Variants in OR4K2 observed in about 807,000 individuals in gnomAD.
The protein encoded by OR4K2 is olfactory receptor family 4 subfamily K member 2, also known as olfactory receptor 4K2.
In OR4K2, 8 loss-of-function variants were observed where a neutral mutation model predicts 10.5. The ratio of observed to expected loss-of-function variants is 0.76; its 90% CI spans 0.45 to 1.37. The LOEUF is 1.37. OR4K2 is among the 40% of genes most tolerant of loss of function. The pLI, the probability that OR4K2 is intolerant of heterozygous loss-of-function variation, is 0.00. For missense variants in OR4K2, 547 were observed against 379.5 expected (o/e 1.44, Z -3.67); for synonymous variants, 178 against 133.6 (o/e 1.33, Z -2.29).
chr14:19,876,531 TCAC>T lies in OR4K2; in HGVS notation c.265_267del (p.His89del). 1 of 1,614,190 alleles carries T rather than the reference TCAC, an allele frequency of 6.2e-7. No individual in the cohort carries two copies. Among genetic ancestry groups the T allele is most frequent in the Non-Finnish European group, 8.5e-7 (1 of 1,180,002 alleles). ...AGATGATTACAGATTACCTAACAGG[TCAC>T]AAAACCATCTCTTTTGATGGCTGCC... On this transcript the variant is annotated inframe_deletion, in exon 2 of 2. Transcript: ENST00000641885.
In OR4K2 at chr14:19,876,277, G is replaced by A; in HGVS notation, c.10G>A (p.Gly4Ser). Residue 4 changes from glycine to serine, a missense_variant, in exon 2 of 2, where the codon GGC becomes AGC. Transcript: ENST00000641885. ...CCTATGAATCAAGACAATGGATGTG[G>A]GCAATAAGTCTACCATGTCTGAATT... MDV[G>S]NKSTMSEFVL... 6.3e-7 allele frequency: 1 copy of A among 1,592,118 alleles called. No homozygotes were observed. The highest frequency in any genetic ancestry group is 8.6e-7 in the Non-Finnish European group (1 of 1,163,688).
In OR4K2 at chr14:19,880,071, G is replaced by C. The variant is rs1881000677; in HGVS notation, c.*2859G>C. On this transcript the variant is annotated 3_prime_UTR_variant, in exon 2 of 2. Coordinates refer to ENST00000641885, the MANE Select transcript of OR4K2 (RefSeq NM_001005501.2). Reference sequence around the variant, plus strand: ...TATAAGATTTTCTTGTGATTTTTTTGTAAAGCTCATCAGCTATCTTTAGTA... The same window carrying C: ...TATAAGATTTTCTTGTGATTTTTTTCTAAAGCTCATCAGCTATCTTTAGTA... The C allele has an allele frequency of 6.6e-6, 1 of 152,662 alleles. No homozygotes were observed. Among genetic ancestry groups the C allele is most frequent in the Non-Finnish European group, 1.5e-5 (1 of 68,030 alleles). The allele number at this position is 152,662 out of a possible 1,614,324, so 9.5% of individuals were successfully genotyped here.
Position 19,877,343 on chromosome 14 carries a change from T to C in OR4K2, c.*131T>C. On this transcript the variant is annotated 3_prime_UTR_variant, in exon 2 of 2. Coordinates refer to ENST00000641885, the MANE Select transcript of OR4K2 (RefSeq NM_001005501.2). ...TGCATTTTGAAACTATTCTCATGAATGTGAATGTGTTCAAAATACATTTGA... is the reference window on the plus strand; with the variant it reads ...TGCATTTTGAAACTATTCTCATGAACGTGAATGTGTTCAAAATACATTTGA... 1 of 658,822 alleles carries C rather than the reference T, an allele frequency of 1.5e-6. No homozygotes were observed. The highest frequency in any genetic ancestry group is 2.5e-6 in the Non-Finnish European group (1 of 397,574). 40.8% of individuals were successfully genotyped at this position (658,822 alleles called of 1,614,324 possible). A position where few individuals can be genotyped will look rare whatever the true frequency, so the allele number is the denominator to read the frequency against.
rs958172857 is a variant in OR4K2, at chr14:19,878,833, A to T, written c.*1621A>T. On this transcript the variant is annotated 3_prime_UTR_variant, in exon 2 of 2. Transcript: ENST00000641885. ...TGTGAACTTTCTCTTGGTTGCAGTT[A>T]TATGTACAAATATGTTCATATTCAA... is the stretch of plus-strand genomic sequence containing the variant. 1 of 152,242 alleles carries T rather than the reference A, an allele frequency of 6.6e-6. No individual in the cohort carries two copies. Among genetic ancestry groups the T allele is most frequent in the Admixed American group, 6.5e-5 (1 of 15,284 alleles). 9.4% of individuals were successfully genotyped at this position (152,242 alleles called of 1,614,324 possible).
At position 19,878,884 on chromosome 14, in the gene OR4K2, A is replaced by C. The variant is rs1370457348; in HGVS notation, c.*1672A>C. ...GGACTTCGTTTATGTAGAATGTTTTAGCTGGTGCTTAAAAATGCTAGAAAT... is the reference window on the plus strand; with the variant it reads ...GGACTTCGTTTATGTAGAATGTTTTCGCTGGTGCTTAAAAATGCTAGAAAT... On this transcript the variant is annotated 3_prime_UTR_variant, in exon 2 of 2. Coordinates refer to ENST00000641885, the MANE Select transcript of OR4K2 (RefSeq NM_001005501.2). 7.2e-5 allele frequency: 11 copies of C among 152,256 alleles called. No homozygotes were observed. Among genetic ancestry groups the C allele is most frequent in the African/African-American group, 2.7e-4 (11 of 41,474 alleles). 9.4% of individuals were successfully genotyped at this position (152,256 alleles called of 1,614,324 possible). A position where few individuals can be genotyped will look rare whatever the true frequency, so the allele number is the denominator to read the frequency against.
rs1439919315 is a variant in OR4K2 at position 19,876,616 on chromosome 14, G to C, written c.349G>C (p.Ala117Pro). ...FTGTEIILLM[A>P]MSFDRYIAIC... ...TGGAACTGAGATCATCTTACTCATG[G>C]CCATGTCCTTTGATAGGTATATTGC... Residue 117 changes from alanine to proline, a missense_variant, in exon 2 of 2, where the codon GCC becomes CCC. Ala to Pro is a conservative substitution (Grantham distance 27, BLOSUM62 -1). Coordinates refer to ENST00000641885, the MANE Select transcript of OR4K2 (RefSeq NM_001005501.2). 3.7e-6 allele frequency: 6 copies of C among 1,614,004 alleles called. No individual in the cohort carries two copies. Among genetic ancestry groups the C allele is most frequent in the Non-Finnish European group, 5.1e-6 (6 of 1,180,008 alleles).
rs1234625542 is a variant in OR4K2, at chr14:19,881,874, T to A, written c.*4662T>A. The A allele has an allele frequency of 6.6e-6, 1 of 151,916 alleles. No individual in the cohort carries two copies. The highest frequency in any genetic ancestry group is 1.5e-5 in the Non-Finnish European group (1 of 67,990). 9.4% of individuals were successfully genotyped at this position (151,916 alleles called of 1,614,324 possible). On this transcript the variant is annotated 3_prime_UTR_variant, in exon 2 of 2. Coordinates refer to ENST00000641885, the MANE Select transcript of OR4K2 (RefSeq NM_001005501.2). Reference sequence around the variant, plus strand: ...CAATTTAATTAGTAATTTGTTTTTATATAATAATATATTTATATCAATTTT... The same window carrying A: ...CAATTTAATTAGTAATTTGTTTTTAAATAATAATATATTTATATCAATTTT...
rs1881027475 is a variant in OR4K2, at chr14:19,881,174, T to A, written c.*3962T>A. On this transcript the variant is annotated 3_prime_UTR_variant, in exon 2 of 2. Transcript: ENST00000641885. ...ATTTTGCATGATTTTTGGATGTATA[T>A]GTCAATTGAAAAACGGGGAGAAGAA... 1 of 152,258 alleles carries A rather than the reference T, an allele frequency of 6.6e-6. No individual in the cohort carries two copies. The allele number at this position is 152,258 out of a possible 1,614,324, so 9.4% of individuals were successfully genotyped here.
chr14:19,876,891 G>C lies in OR4K2; in HGVS notation c.624G>C (p.Leu208Phe). 6.2e-7 allele frequency: 1 copy of C among 1,614,158 alleles called. No individual in the cohort carries two copies. The highest frequency in any genetic ancestry group is 8.5e-7 in the Non-Finnish European group (1 of 1,180,002). The change falls in exon 2 of 2, where the codon TTG becomes TTC. Residue 208 changes from leucine (L) to phenylalanine (F), a missense_variant. Physicochemically the swap from Leu to Phe is conservative, Grantham distance 22 (BLOSUM62 0). Transcript: ENST00000641885. ...FMISTSGIIA[L>F]SCFIVLFNSY... ...TCTCAACAAGTGGCATAATTGCGTT[G>C]TCCTGTTTTATTGTTTTATTTAATT...
rs1410288995 is a variant in OR4K2 at position 19,883,686 on chromosome 14, T to A, written c.*6474T>A. 1 of 152,238 alleles carries A rather than the reference T, an allele frequency of 6.6e-6. No homozygotes were observed. Among genetic ancestry groups the A allele is most frequent in the Non-Finnish European group, 1.5e-5 (1 of 68,030 alleles). 9.4% of individuals were successfully genotyped at this position (152,238 alleles called of 1,614,324 possible). ...ATTGCACTCAAGAGATTTTAAAACGTTTAAATTTCTAAATTTCCTTTAAGT... is the reference window on the plus strand; with the variant it reads ...ATTGCACTCAAGAGATTTTAAAACGATTAAATTTCTAAATTTCCTTTAAGT... On this transcript the variant is annotated 3_prime_UTR_variant, in exon 2 of 2. Transcript: ENST00000641885.
Position 19,882,312 on chromosome 14 carries a change from A to G in OR4K2, c.*5100A>G, listed in dbSNP as rs1363903294. On this transcript the variant is annotated 3_prime_UTR_variant, in exon 2 of 2. Coordinates refer to ENST00000641885, the MANE Select transcript of OR4K2 (RefSeq NM_001005501.2). ...TTGGTGCATCTAATTGGTGGAATCTATTTTGCACAGAGAAACTTGGCTTCA... is the reference window on the plus strand; with the variant it reads ...TTGGTGCATCTAATTGGTGGAATCTGTTTTGCACAGAGAAACTTGGCTTCA... 1.3e-5 allele frequency: 2 copies of G among 152,184 alleles called. No individual in the cohort carries two copies. The highest frequency in any genetic ancestry group is 4.8e-5 in the African/African-American group (2 of 41,384). 9.4% of individuals were successfully genotyped at this position (152,184 alleles called of 1,614,324 possible).
In OR4K2 at chr14:19,881,769, T is replaced by C. The variant is rs1011784858; in HGVS notation, c.*4557T>C. ...TGAAGCCATCAACAAAAGCCAGATT[T>C]TTCTCCCTTTGCTCACTTGCCACCT... On this transcript the variant is annotated 3_prime_UTR_variant, in exon 2 of 2. Coordinates refer to ENST00000641885, the MANE Select transcript of OR4K2 (RefSeq NM_001005501.2). 6.6e-6 allele frequency: 1 copy of C among 152,048 alleles called. No homozygotes were observed. The highest frequency in any genetic ancestry group is 2.4e-5 in the African/African-American group (1 of 41,420). 9.4% of individuals were successfully genotyped at this position (152,048 alleles called of 1,614,324 possible).
rs372735478 is a variant in OR4K2, at chr14:19,877,031, T to C, written c.764T>C (p.Ile255Thr). 6.2e-7 allele frequency: 1 copy of C among 1,613,592 alleles called. No individual in the cohort carries two copies. The highest frequency in any genetic ancestry group is 1.1e-5 in the South Asian group (1 of 91,088). ...IVVFLFFGPC[I>T]FIYMWPLSSF... is the part of the protein sequence containing the mutation. Reference sequence around the variant, plus strand: ...GTCTTCTTGTTCTTTGGGCCATGCATCTTCATCTACATGTGGCCACTAAGC... The same window carrying C: ...GTCTTCTTGTTCTTTGGGCCATGCACCTTCATCTACATGTGGCCACTAAGC... Residue 255 changes from isoleucine to threonine, a missense_variant, in exon 2 of 2, where the codon ATC (isoleucine) becomes ACC (threonine). By Grantham distance (89) the Ile-to-Thr change is moderately conservative. Coordinates refer to ENST00000641885, the MANE Select transcript of OR4K2 (RefSeq NM_001005501.2).
Position 19,875,692 on chromosome 14 carries a change from C to G in OR4K2, c.-466C>G. On this transcript the variant is annotated 5_prime_UTR_variant, in exon 1 of 2. Transcript: ENST00000641885. ...CTATGTATTTCTTTTGAGTTTCAAA[C>G]AGGAAACTTTATCTGGGAATACTTT... 1 of 152,448 alleles carries G rather than the reference C, an allele frequency of 6.6e-6. No individual in the cohort carries two copies. The highest frequency in any genetic ancestry group is 1.9e-4 in the East Asian group (1 of 5,210). 9.4% of individuals were successfully genotyped at this position (152,448 alleles called of 1,614,324 possible).
intron 1 of OR4K2, 36 bp from the exon 2 acceptor site, chr14:19,876,209 C>G: frequency 2.5e-6 from 3 of 1,213,120 alleles, no homozygotes; most frequent in Non-Finnish European, 1.1e-6. Context: ...TTGAATCTGA[C>G]TTTCCTTTTT....
rs1881082499 is a variant in OR4K2, at chr14:19,883,236, T to C, written c.*6024T>C. The stretch of plus-strand genomic sequence containing the variant: ...GTTATATTTTTTCATCCAAAAGATC[T>C]TGATGTCTTGCTTTATCTCTTTGGG... On this transcript the variant is annotated 3_prime_UTR_variant, in exon 2 of 2. Transcript: ENST00000641885. 1 of 152,284 alleles carries C rather than the reference T, an allele frequency of 6.6e-6. No individual in the cohort carries two copies. Among genetic ancestry groups the C allele is most frequent in the African/African-American group, 2.4e-5 (1 of 41,458 alleles). 9.4% of individuals were successfully genotyped at this position (152,284 alleles called of 1,614,324 possible). A position where few individuals can be genotyped will look rare whatever the true frequency, so the allele number is the denominator to read the frequency against.
Position 19,880,292 on chromosome 14 carries a change from C to T in OR4K2, c.*3080C>T, listed in dbSNP as rs1881005968. The T allele has an allele frequency of 6.6e-6, 1 of 151,964 alleles. No individual in the cohort carries two copies. The highest frequency in any genetic ancestry group is 2.4e-5 in the African/African-American group (1 of 41,354). 9.4% of individuals were successfully genotyped at this position (151,964 alleles called of 1,614,324 possible). On this transcript the variant is annotated 3_prime_UTR_variant, in exon 2 of 2. Transcript: ENST00000641885. ...CTACTTCTACTACTAGTGGTGTAAA[C>T]TTAAGCTAAGTACTTAATACCTCTT...
Position 19,876,722 on chromosome 14 carries a change from G to C in OR4K2, c.455G>C (p.Gly152Ala), listed in dbSNP as rs746874275. 4.3e-6 allele frequency: 7 copies of C among 1,613,958 alleles called. No individual in the cohort carries two copies. In the East Asian group the frequency reaches 1.3e-4, roughly 31 times the overall value. Reference protein sequence around the residue: ...VALVVASWIMGVMHSMSQVIF... With the variant: ...VALVVASWIMAVMHSMSQVIF... ...CTCGTGGTGGCTTCCTGGATTATGG[G>C]AGTTATGCATTCAATGAGTCAGGTC... is the stretch of plus-strand genomic sequence containing the variant. The change falls in exon 2 of 2, where the codon GGA (glycine) becomes GCA (alanine). Residue 152 changes from glycine (G) to alanine (A), a missense_variant. Coordinates refer to ENST00000641885, the MANE Select transcript of OR4K2 (RefSeq NM_001005501.2).
rs1446213516 is a variant in OR4K2 at position 19,881,967 on chromosome 14, T to C, written c.*4755T>C. 1 of 152,222 alleles carries C rather than the reference T, an allele frequency of 6.6e-6. No homozygotes were observed. Among genetic ancestry groups the C allele is most frequent in the Non-Finnish European group, 1.5e-5 (1 of 68,044 alleles). The allele number at this position is 152,222 out of a possible 1,614,324, so 9.4% of individuals were successfully genotyped here. A position where few individuals can be genotyped will look rare whatever the true frequency, so the allele number is the denominator to read the frequency against. ...AAGAAAACGGAAACCATTGGGTAAA[T>C]TAAGCAGATTTAATACAATGTATTA... On this transcript the variant is annotated 3_prime_UTR_variant, in exon 2 of 2. Coordinates refer to ENST00000641885, the MANE Select transcript of OR4K2 (RefSeq NM_001005501.2).
Sources: allele counts gnomAD v4.1 joint callset, GRCh38; gene constraint gnomAD v4.1.1; transcripts MANE v1.5; gene names NCBI Gene and HGNC (gene_info 2026-07-23, HGNC 2026-07-21).